Variants in PKD1L3 observed in about 807,000 individuals in gnomAD.
PKD1L3 encodes the protein polycystin-1-like protein 3.
A neutral mutation model predicts 184.1 loss-of-function variants in PKD1L3; 239 were observed. The observed-to-expected ratio is 1.30, with a 90% confidence interval of 1.17 to 1.45. The LOEUF (loss-of-function observed/expected upper bound fraction) is 1.45. Ranked by LOEUF, PKD1L3 falls within the 40% of genes most tolerant of loss-of-function variation. The probability of loss-of-function intolerance (pLI) is 0.00; values close to 1 mark genes in which losing one functional copy is unlikely to be tolerated. For synonymous variants in PKD1L3, 996 were observed against 778.8 expected (o/e 1.28, Z -4.64); for missense variants, 2,660 against 2,067.2 (o/e 1.29, Z -5.56).
rs765044260 is a variant in PKD1L3 at position 71,933,350 on chromosome 16, CATAAGGA to C, written c.4926+63_4926+69del. Reference sequence around the variant, plus strand: ...GCAGTGTACAGTAGGGGGCTGTTTTCATAAGGACCCCCCCAATTTTCCTTGTTCAATA... The same window carrying C: ...GCAGTGTACAGTAGGGGGCTGTTTTCCCCCCCCAATTTTCCTTGTTCAATA... On this transcript the variant is annotated intron_variant, in intron 28 of 29. Transcript: ENST00000620267. 8.6e-4 allele frequency: 1,033 copies of C among 1,206,454 alleles called. 1 individual carries two copies. Among genetic ancestry groups the C allele is most frequent in the Non-Finnish European group, 1.2e-3 (962 of 833,184 alleles). The allele number at this position is 1,206,454 out of a possible 1,614,324, so 74.7% of individuals were successfully genotyped here.
At chr16:71,949,726 G>A (rs1406151013) in intron 21 of PKD1L3, 57 bp downstream of exon 21, 6 of 1,440,032 alleles carry the variant, frequency 4.2e-6, no homozygotes, top group Non-Finnish European at 5.7e-6. Flanking sequence ...TGACACCCAG[G>A]GACCTCAGTT....
intron 21 of PKD1L3, 55 bp downstream of exon 21, chr16:71,949,728 A>T: frequency 6.9e-7 from 1 of 1,443,190 alleles, no homozygotes; most frequent in South Asian, 1.3e-5. Context: ...ACACCCAGGG[A>T]CCTCAGTTCC....
chr16:71,949,268 C>A (rs1303703545), intron 21 of PKD1L3, among the ~76,000 whole-genome samples: 1 of 150,764 alleles, frequency 6.6e-6, no homozygotes, highest in Admixed American at 6.6e-5. Flanking sequence ...CTCCTCAATC[C>A]TTTTCTGCCA....
intron 22 of PKD1L3, among the ~76,000 whole-genome samples, chr16:71,945,396 ATATT>A (rs58831890): frequency 0.017 from 698 of 41,734 alleles, 7 homozygotes; most frequent in Non-Finnish European, 0.036. Flanking sequence ...ATATATATAT[ATATT>A]TATTTATTTA....
At chr16:71,930,380 G>A (rs1259727209) in intron 28 of PKD1L3, 197 bp from the exon 29 acceptor site, 4 of 449,048 alleles carry the variant, frequency 8.9e-6, no homozygotes, top group Admixed American at 4.1e-5. Context: ...TTTTAAGGAG[G>A]TTAAGATAAT....
chr16:71,977,463 A>G lies in PKD1L3; in HGVS notation c.1532T>C (p.Met511Thr), dbSNP rs1165998902. The change falls in exon 11 of 30, where the codon ATG becomes ACG. Residue 511 changes from methionine to threonine, a missense_variant. Coordinates refer to ENST00000620267, the MANE Select transcript of PKD1L3 (RefSeq NM_181536.2). ...VHDLMEDIEI[M>T]LWRNVSLETH... ...TTCCAAGCTAACATTTCTCCAGAGC[A>G]TGATCTAGAATAAGAGACAGTTAAT... The G allele has an allele frequency of 5.2e-6, 8 of 1,542,182 alleles. No homozygotes were observed. The Admixed American group carries it at 1.4e-4, about 26-fold the overall frequency.
In PKD1L3 at chr16:71,978,376, C is replaced by T. The variant is rs2143709137; in HGVS notation, c.1406G>A (p.Gly469Glu). ...KHPGVNVQITGLAFNPFKDLD... is the reference protein window; with the variant it reads ...KHPGVNVQITELAFNPFKDLD... ...ATCCTTGAAGGGATTGAAAGCTAGTCCTGTTATCTAAAGACAAAGAGAAGC... is the reference window on the plus strand; with the variant it reads ...ATCCTTGAAGGGATTGAAAGCTAGTTCTGTTATCTAAAGACAAAGAGAAGC... The change falls in exon 10 of 30, where the codon GGA becomes GAA. Residue 469 changes from glycine (G) to glutamate (E), a missense_variant. Physicochemically the swap from Gly to Glu is moderately conservative, Grantham distance 98. Transcript: ENST00000620267. 1.3e-6 allele frequency: 2 copies of T among 1,548,284 alleles called. No homozygotes were observed. Among genetic ancestry groups the T allele is most frequent in the Non-Finnish European group, 1.7e-6 (2 of 1,144,990 alleles).
intron 12 of PKD1L3, among the ~76,000 whole-genome samples, chr16:71,971,870 C>T (rs751086792): frequency 3.9e-5 from 6 of 152,080 alleles, no homozygotes; most frequent in East Asian, 1.9e-4. Context: ...CACCTGAGGT[C>T]GGGAGTTTGA....
At chr16:71,941,998 C>G (rs1392611856) in intron 24 of PKD1L3, among the ~76,000 whole-genome samples, 1 of 151,804 alleles carries the variant, frequency 6.6e-6, no homozygotes, top group Admixed American at 6.6e-5. Flanking sequence ...ACATGAAAAG[C>G]TAGAAAGCAA....
chr16:71,972,425 C>T (rs1231645328), intron 12 of PKD1L3, among the ~76,000 whole-genome samples: 2 of 151,586 alleles, frequency 1.3e-5, no homozygotes, highest in East Asian at 3.9e-4. Flanking sequence ...CATCCTCCTC[C>T]TCCTCCTTCT....
chr16:71,972,157 A>G (rs1007158837), intron 12 of PKD1L3, among the ~76,000 whole-genome samples: 8 of 152,090 alleles, frequency 5.3e-5, no homozygotes, highest in East Asian at 1.9e-4. Context: ...CAGAGTTTGC[A>G]GTGAGCCAAG....
intron 9 of PKD1L3, among the ~76,000 whole-genome samples, chr16:71,979,016 C>A (rs1423425377): frequency 6.6e-6 from 1 of 152,172 alleles, no homozygotes; most frequent in Non-Finnish European, 1.5e-5. Flanking sequence ...TAGGAAGTAA[C>A]TGTTCTGCTC....
chr16:71,962,469 TTTAA>T (rs1431021037), intron 16 of PKD1L3, among the ~76,000 whole-genome samples: 1 of 152,188 alleles, frequency 6.6e-6, no homozygotes, highest in Admixed American at 6.5e-5. Context: ...AGTACATTGC[TTTAA>T]TTATTTTGGT....
chr16:71,935,373 C>T lies in PKD1L3; in HGVS notation c.4598G>A (p.Arg1533His), dbSNP rs1482841847. ...TTCCTCTCACCTGTCCTGGTCATCG[C>T]GGTATCGTGCCATGTTTTTCTTATG... ...SLHKKNMARY[R>H]DDQDRFISFY... The change falls in exon 26 of 30, where the codon CGC becomes CAC. Residue 1533 changes from arginine to histidine, a missense_variant. Arg to His is a conservative substitution (Grantham distance 29). Transcript: ENST00000620267. 1.6e-5 allele frequency: 25 copies of T among 1,551,370 alleles called. No individual in the cohort carries two copies. The highest frequency in any genetic ancestry group is 8.2e-5 in the African/African-American group (6 of 73,012).
chr16:71,946,418 T>C (rs1443762181), intron 22 of PKD1L3, among the ~76,000 whole-genome samples: 2 of 152,158 alleles, frequency 1.3e-5, no homozygotes, highest in African/African-American at 4.8e-5. Flanking sequence ...GAGATACATA[T>C]ATAACCTCTT....
chr16:71,942,982 G>C lies in PKD1L3; in HGVS notation c.3902C>G (p.Ser1301Cys). 1.0e-5 allele frequency: 16 copies of C among 1,551,498 alleles called. No individual in the cohort carries two copies. Among genetic ancestry groups the C allele is most frequent in the Non-Finnish European group, 1.4e-5 (16 of 1,146,896 alleles). ...GTAAAATCTATTGGAGTTCTTTGCA[G>C]AGTAGATTGCAGTCATCAACAGGGT... The part of the protein sequence containing the change: ...FLTLLMTAIY[S>C]AKNSNRFYLH... The change falls in exon 24 of 30, where the codon TCT (serine) becomes TGT (cysteine). Residue 1301 changes from serine to cysteine, a missense_variant. Transcript: ENST00000620267.
In PKD1L3 at chr16:71,967,148, G is replaced by A. The variant is rs1328906234; in HGVS notation, c.2454C>T (p.Val818=). Residue 818 remains valine, a synonymous_variant, in exon 15 of 30, where the codon GTC becomes GTT. Transcript: ENST00000620267. ...ATATAAGTACTCACCAGGAGGGACT[G>A]ACGCCAGAATTGTCATGCCAGAGCC... ...SLRLWHDNSG[V]SPSWYVSQVI... is the part of the protein sequence containing the mutation. 2.6e-6 allele frequency: 4 copies of A among 1,551,512 alleles called. No individual in the cohort carries two copies. The highest frequency in any genetic ancestry group is 2.7e-5 in the African/African-American group (2 of 73,052).
intron 2 of PKD1L3, 91 bp from the exon 3 acceptor site, chr16:71,993,423 T>C: frequency 2.3e-6 from 1 of 440,808 alleles, no homozygotes; most frequent in Non-Finnish European, 3.5e-6. Context: ...TATGTGATAA[T>C]CAGGAAAACA....
chr16:71,980,738 G>A (rs1472113621), intron 7 of PKD1L3, among the ~76,000 whole-genome samples: 2 of 152,182 alleles, frequency 1.3e-5, no homozygotes, highest in African/African-American at 4.8e-5. Flanking sequence ...GGGAGGCTGA[G>A]GTGGAAGAAT....
Sources: gnomAD v4.1 joint callset for allele counts (sites outside exome capture counted in the v4.1 genomes callset) on GRCh38, gnomAD v4.1.1 for gene constraint, MANE v1.5 for transcripts, NCBI Gene and HGNC (gene_info 2026-07-23, HGNC 2026-07-21) for gene names.